FHAD1: variants seen among roughly 807,000 people sequenced by gnomAD.
FHAD1 encodes forkhead associated phosphopeptide binding domain 1, also known as forkhead-associated domain-containing protein 1.
Under a neutral mutation model 191.3 loss-of-function variants are expected in FHAD1, and 146 were observed. The observed-to-expected ratio is 0.76, with a 90% CI of 0.67 to 0.88. The LOEUF (loss-of-function observed/expected upper bound fraction) is 0.88, where lower values mean the gene tolerates loss of function less well. FHAD1 is among the 40% of genes least tolerant of loss of function. The probability of loss-of-function intolerance (pLI) is 0.00; values close to 1 mark genes in which losing one functional copy is unlikely to be tolerated. For synonymous variants in FHAD1, 616 were observed against 672.3 expected (o/e 0.92, Z 1.29); for missense variants, 1,635 against 1,785.8 (o/e 0.92, Z 1.52).
chr1:15,282,656 T>C (rs1486579139), intron 3 of FHAD1, among the ~76,000 whole-genome samples: 1 of 152,240 alleles, frequency 6.6e-6, no homozygotes, highest in Non-Finnish European at 1.5e-5. Context: ...ATAATAGTTT[T>C]TGAATATCAG....
chr1:15,314,917 T>G (rs1326879218), intron 8 of FHAD1: 1 of 151,060 alleles, frequency 6.6e-6, no homozygotes, highest in African/African-American at 2.4e-5. Flanking sequence ...TGTGGATGTG[T>G]GTCGGGGCTG....
At chr1:15,340,713 A>T (rs1395449238) in intron 15 of FHAD1, among the ~76,000 whole-genome samples, 1 of 152,154 alleles carries the variant, frequency 6.6e-6, no homozygotes. Context: ...CATGCCAATC[A>T]GCCACAGAGG....
chr1:15,300,263 T>A (rs1310373433), intron 5 of FHAD1, among the ~76,000 whole-genome samples: 1 of 152,194 alleles, frequency 6.6e-6, no homozygotes, highest in East Asian at 1.9e-4. Flanking sequence ...GGGTTAATGA[T>A]ACCTGTGGGT....
intron 11 of FHAD1, 194 bp from the exon 12 acceptor site, chr1:15,326,865 A>T (rs1273002577): frequency 1.8e-6 from 1 of 556,548 alleles, no homozygotes; most frequent in Admixed American, 3.3e-5. Flanking sequence ...AAAAGTAATT[A>T]AAGCCTGCTG....
rs1461751416 is a variant in FHAD1 at position 15,383,974 on chromosome 1, A to G, written c.4188+1781A>G. 9 of 359,160 alleles carry G rather than the reference A, an allele frequency of 2.5e-5. No individual in the cohort carries two copies. The East Asian group carries it at 5.7e-4, about 23-fold the overall frequency. 22.2% of individuals were successfully genotyped at this position (359,160 alleles called of 1,614,324 possible). On this transcript the variant is annotated intron_variant, in intron 31 of 33. Transcript: ENST00000688493. ...ACTGTCAGCTTTTATGTGTGTGTGC[A>G]TTCTCGTGTGTGTGTACATTCTCAT...
intron 8 of FHAD1, among the ~76,000 whole-genome samples, chr1:15,314,223 A>AG (rs942364640): frequency 1.1e-4 from 17 of 152,168 alleles, no homozygotes; most frequent in Admixed American, 7.2e-4. Flanking sequence ...CTTTCATCTC[A>AG]GGTGTGCCTG....
chr1:15,276,130 A>C lies in FHAD1; in HGVS notation c.300+3601A>C, dbSNP rs1315807160. Reference sequence around the variant, plus strand: ...CCTGCTCTTGACCAGCTGTGGGATCATGCACAAGTTGCTTCACCTCTCAAA... The same window carrying C: ...CCTGCTCTTGACCAGCTGTGGGATCCTGCACAAGTTGCTTCACCTCTCAAA... On this transcript the variant is annotated intron_variant, in intron 3 of 33. Coordinates refer to ENST00000688493, the MANE Select transcript of FHAD1 (RefSeq NM_001391957.1). This position sits in a 1 kb window ranked among gnomAD's most constrained non-coding sequence, Gnocchi z 4.7. Among the ~76,000 whole-genome samples, 2 of 152,228 alleles carry C rather than the reference A, an allele frequency of 1.3e-5. No homozygotes were observed. Among genetic ancestry groups the C allele is most frequent in the Non-Finnish European group, 2.9e-5 (2 of 68,050 alleles).
At chr1:15,305,750 G>C (rs1284745239) in intron 6 of FHAD1, 1 of 448,058 alleles carries the variant, frequency 2.2e-6, no homozygotes, top group Non-Finnish European at 4.5e-6. Context: ...ATTTTCTCTT[G>C]CCGCCGCCAT....
At chr1:15,296,600 C>T in intron 4 of FHAD1, 84 bp from the exon 5 acceptor site, 1 of 1,204,556 alleles carries the variant, frequency 8.3e-7, no homozygotes, top group Middle Eastern at 1.9e-4. Flanking sequence ...GGGAAACAAA[C>T]AGGAAGGCTA....
In FHAD1 at chr1:15,336,142, G is replaced by C. The variant is rs534159472; in HGVS notation, c.1907-3339G>C. On this transcript the variant is annotated intron_variant, in intron 14 of 33. Transcript: ENST00000688493. ...CTTTGAAAAGAGATTGACAGATCTA[G>C]GTCTGAATTCTGATTCTAACACTTA... 6.6e-5 allele frequency among the ~76,000 whole-genome samples: 10 copies of C among 152,272 alleles called. No homozygotes were observed. In the East Asian group the frequency reaches 1.9e-3, roughly 29 times the overall value.
At chr1:15,335,246 G>C (rs990271765) in intron 14 of FHAD1, 1 of 152,208 alleles carries the variant, frequency 6.6e-6, no homozygotes, top group African/African-American at 2.4e-5. Flanking sequence ...GCGGCACCTT[G>C]AAAGTCAGCT....
intron 22 of FHAD1, among the ~76,000 whole-genome samples, chr1:15,361,012 T>A (rs1694626562): frequency 6.6e-6 from 1 of 152,190 alleles, no homozygotes; most frequent in African/African-American, 2.4e-5. Flanking sequence ...CTTTTCCACA[T>A]GAAAACATCT....
chr1:15,354,354 G>T (rs138056046), intron 20 of FHAD1, among the ~76,000 whole-genome samples: 1 of 152,172 alleles, frequency 6.6e-6, no homozygotes, highest in Non-Finnish European at 1.5e-5. Context: ...CATCTGGATC[G>T]CACGTCAGCC....
intron 27 of FHAD1, 112 bp from the exon 28 acceptor site, chr1:15,375,491 G>T (rs966721983): frequency 9.6e-7 from 1 of 1,045,522 alleles, no homozygotes. Context: ...ACGGGAGGTC[G>T]TAAGGATTAA....
At chr1:15,363,363 C>A (rs1695428099) in intron 23 of FHAD1, among the ~76,000 whole-genome samples, 1 of 152,246 alleles carries the variant, frequency 6.6e-6, no homozygotes, top group African/African-American at 2.4e-5. Context: ...CCCCACCTCT[C>A]AATACTGCCA....
chr1:15,246,906 G>T (rs1487769831), upstream of FHAD1, among the ~76,000 whole-genome samples: 1 of 152,080 alleles, frequency 6.6e-6, no homozygotes, highest in Non-Finnish European at 1.5e-5. Context: ...AGGGTCTCAT[G>T]AGTTCAGCTC....
chr1:15,236,854 G>A (rs1368203634), intron 1 of FHAD1, among the ~76,000 whole-genome samples: 1 of 152,192 alleles, frequency 6.6e-6, no homozygotes, highest in Non-Finnish European at 1.5e-5. Context: ...ATCTTGAATT[G>A]TAGTTCCCAT....
downstream of FHAD1, among the ~76,000 whole-genome samples, chr1:15,400,448 TTCATACACCTGGCC>T (rs546346176): frequency 1.3e-5 from 2 of 152,190 alleles, no homozygotes; most frequent in East Asian, 3.8e-4. Flanking sequence ...AATGGCCTCT[TTCATACACCTGGCC>T]TCATACACCT....
At chr1:15,246,306 A>G (rs1612465), upstream of FHAD1, among the ~76,000 whole-genome samples, 43,464 of 152,086 alleles carry the variant, frequency 0.29, 7,197 homozygotes, top group Non-Finnish European at 0.38. Flanking sequence ...TTCGAGATGA[A>G]ATTTGGGTGG....
Sources: gnomAD v4.1 joint callset for allele counts (sites outside exome capture counted in the v4.1 genomes callset) on GRCh38, gnomAD v4.1.1 for gene constraint, Gnocchi (gnomAD v3.1) non-coding constraint, MANE v1.5 for transcripts, NCBI Gene and HGNC (gene_info 2026-07-23, HGNC 2026-07-21) for gene names.